The following PTPRG variants were observed in gnomAD, a reference collection of about 807,000 sequenced individuals.
PTPRG encodes receptor-type tyrosine-protein phosphatase gamma.
PTPRG carries 102 observed loss-of-function variants against 165.3 expected under a neutral mutation model. That is an observed-to-expected ratio of 0.62 (90% CI 0.53 to 0.73). PTPRG has a LOEUF of 0.73. Among genes scored for constraint, PTPRG ranks in the 30% least tolerant of loss-of-function variants. The pLI, the probability that PTPRG is intolerant of heterozygous loss-of-function variation, is 0.00. For synonymous variants in PTPRG, 675 were observed against 669.5 expected (o/e 1.01, Z -0.13); for missense variants, 1,866 against 1,861.4 (o/e 1.00, Z -0.05).
At chr3:62,045,752 A>G (rs1700269507) in intron 4 of PTPRG, among the ~76,000 whole-genome samples, 1 of 152,250 alleles carries the variant, frequency 6.6e-6, no homozygotes, top group Admixed American at 6.5e-5. Context: ...GGTTCTGAGC[A>G]TCCCCTTCCC....
intron 2 of PTPRG, among the ~76,000 whole-genome samples, chr3:61,873,933 A>C (rs2037654805): frequency 6.6e-6 from 1 of 152,206 alleles, no homozygotes; most frequent in Admixed American, 6.5e-5. Context: ...TCAGTAGAGC[A>C]GTGAGGATTG....
At chr3:61,838,483 GC>G (rs2036533180) in intron 2 of PTPRG, among the ~76,000 whole-genome samples, 2 of 152,244 alleles carry the variant, frequency 1.3e-5, no homozygotes, top group East Asian at 3.9e-4. Context: ...TGGACAGAGT[GC>G]CCACAATGTG....
intron 5 of PTPRG, among the ~76,000 whole-genome samples, chr3:62,089,184 C>A (rs1338481394): frequency 6.6e-6 from 1 of 152,190 alleles, no homozygotes; most frequent in Non-Finnish European, 1.5e-5. Context: ...ATCCCTGTGA[C>A]CCACATTCCC....
chr3:62,124,372 C>G, intron 5 of PTPRG: 1 of 1,612,922 alleles, frequency 6.2e-7, no homozygotes. Flanking sequence ...GATGCAAGTC[C>G]AGGGTGATCT....
rs116090200 is a variant in PTPRG, at chr3:62,089,642, G to T, written c.615+11384G>T. ...AGAAAATTTTTAGCATCAAATCCCCGTTTGGGGTCTGTTGGGAGCTATGAG... is the reference window on the plus strand; with the variant it reads ...AGAAAATTTTTAGCATCAAATCCCCTTTTGGGGTCTGTTGGGAGCTATGAG... On this transcript the variant is annotated intron_variant, in intron 5 of 29. Coordinates refer to ENST00000474889, the MANE Select transcript of PTPRG (RefSeq NM_002841.4). Among the ~76,000 whole-genome samples, 11 of 152,106 alleles carry T rather than the reference G, an allele frequency of 7.2e-5. No individual in the cohort carries two copies. In the East Asian group the frequency reaches 9.6e-4, roughly 13 times the overall value.
At position 62,218,948 on chromosome 3, in the gene PTPRG, C is replaced by T; in HGVS notation, c.2253C>T (p.Cys751=). Residue 751 remains cysteine, a synonymous_variant, in exon 13 of 30, where the codon TGC becomes TGT. Transcript: ENST00000474889. ...LIVVSALTFV[C]LILLIAVLVY... The stretch of plus-strand genomic sequence containing the variant: ...TGGTATCAGCCTTGACCTTCGTGTG[C>T]CTCATCCTTCTCATTGCTGTGCTCG... The T allele has an allele frequency of 2.5e-6, 4 of 1,614,128 alleles. No homozygotes were observed. The highest frequency in any genetic ancestry group is 3.4e-6 in the Non-Finnish European group (4 of 1,180,000).
At chr3:61,952,091 C>G (rs141889720) in intron 2 of PTPRG, among the ~76,000 whole-genome samples, 151 of 144,440 alleles carry the variant, frequency 1.0e-3, no homozygotes, top group African/African-American at 3.8e-3. Flanking sequence ...GCACTGCAGC[C>G]TGGCGACAGA....
intron 1 of PTPRG, among the ~76,000 whole-genome samples, chr3:61,626,754 T>C (rs1030452579): frequency 6.6e-6 from 1 of 152,206 alleles, no homozygotes; most frequent in Non-Finnish European, 1.5e-5. Flanking sequence ...GAAGGCTGGT[T>C]GGCAGATTAT....
chr3:62,045,678 GC>G (rs1307418322), intron 4 of PTPRG, among the ~76,000 whole-genome samples: 3 of 152,158 alleles, frequency 2.0e-5, no homozygotes, highest in Non-Finnish European at 2.9e-5. Flanking sequence ...AGTCACCAGT[GC>G]CAGTCATTAC....
chr3:61,634,217 C>T (rs1701841991), intron 1 of PTPRG, among the ~76,000 whole-genome samples: 1 of 151,684 alleles, frequency 6.6e-6, no homozygotes, highest in Non-Finnish European at 1.5e-5. Context: ...CCCAAAGTGC[C>T]AGGATTACAG....
intron 2 of PTPRG, among the ~76,000 whole-genome samples, chr3:61,814,140 A>G (rs931887826): frequency 6.6e-6 from 1 of 152,300 alleles, no homozygotes; most frequent in East Asian, 1.9e-4. Context: ...ACCTCAGGCA[A>G]TCTGCCCGCC....
chr3:61,836,493 A>G (rs2036465499), intron 2 of PTPRG, among the ~76,000 whole-genome samples: 2 of 152,216 alleles, frequency 1.3e-5, no homozygotes, highest in African/African-American at 4.8e-5. Context: ...AGGGATAGTG[A>G]TAATAAAATA....
At chr3:61,634,460 G>A (rs377318719) in intron 1 of PTPRG, among the ~76,000 whole-genome samples, 3 of 151,978 alleles carry the variant, frequency 2.0e-5, no homozygotes, top group African/African-American at 7.2e-5. Flanking sequence ...GGCTGGTCTC[G>A]AACTCCTGAC....
intron 2 of PTPRG, among the ~76,000 whole-genome samples, chr3:61,947,395 A>G (rs542401724): frequency 5.3e-5 from 8 of 152,358 alleles, no homozygotes; most frequent in Non-Finnish European, 7.4e-5. Flanking sequence ...TTCAGCAGCA[A>G]TGGTTCTGAC....
At chr3:61,823,133 G>A (rs1395663408) in intron 2 of PTPRG, among the ~76,000 whole-genome samples, 4 of 152,138 alleles carry the variant, frequency 2.6e-5, no homozygotes, top group African/African-American at 9.7e-5. Flanking sequence ...TTGCAAGTTC[G>A]GTTACTTTGG....
intron 1 of PTPRG, among the ~76,000 whole-genome samples, chr3:61,613,963 G>C (rs1701243433): frequency 6.6e-6 from 1 of 152,146 alleles, no homozygotes; most frequent in Non-Finnish European, 1.5e-5. Context: ...GAATCTCCCT[G>C]AGCAGTGCTC....
intron 2 of PTPRG, among the ~76,000 whole-genome samples, chr3:61,960,097 C>T (rs560357984): frequency 1.3e-5 from 2 of 152,258 alleles, no homozygotes; most frequent in Admixed American, 1.3e-4. Flanking sequence ...TTTTATTTCA[C>T]ATTCAATTAT....
intron 2 of PTPRG, among the ~76,000 whole-genome samples, chr3:61,932,417 A>G (rs1178431242): frequency 6.6e-6 from 1 of 152,238 alleles, no homozygotes; most frequent in Non-Finnish European, 1.5e-5. Context: ...CAGGGGGAAC[A>G]TGTAGGAGAC....
chr3:61,991,890 C>T lies in PTPRG; in HGVS notation c.370+2086C>T, dbSNP rs115436826. 5.7e-3 allele frequency among the ~76,000 whole-genome samples: 863 copies of T among 152,318 alleles called. 10 individuals are homozygous for T. The highest frequency in any genetic ancestry group is 0.02 in the African/African-American group (829 of 41,560). The stretch of plus-strand genomic sequence containing the variant: ...AGGTTTTAGACGTATGTAGGGTTCA[C>T]TCGATGCAAGCTGATTCATGACCTT... On this transcript the variant is annotated intron_variant, in intron 3 of 29. Coordinates refer to ENST00000474889, the MANE Select transcript of PTPRG (RefSeq NM_002841.4).
Sources: allele counts gnomAD v4.1 joint callset (sites outside exome capture counted in the v4.1 genomes callset), GRCh38; gene constraint gnomAD v4.1.1; transcripts MANE v1.5; gene names NCBI Gene and HGNC (gene_info 2026-07-23, HGNC 2026-07-21).